Variants in LRRFIP1 observed in about 807,000 individuals in gnomAD.
LRRFIP1 encodes leucine-rich repeat flightless-interacting protein 1.
In LRRFIP1, 62 loss-of-function variants were observed where a neutral mutation model predicts 104.4. The ratio of observed to expected loss-of-function variants is 0.59; its 90% CI spans 0.48 to 0.73. LRRFIP1 has a LOEUF of 0.73. Among genes scored for constraint, LRRFIP1 ranks in the 30% least tolerant of loss-of-function variants. The probability of loss-of-function intolerance (pLI) is 0.00; values close to 1 mark genes in which losing one functional copy is unlikely to be tolerated. For synonymous variants in LRRFIP1, 300 were observed against 299.0 expected (o/e 1.00, Z -0.03); for missense variants, 796 against 824.5 (o/e 0.97, Z 0.42).
At chr2:237,651,155 A>G (rs2085875242) in intron 1 of LRRFIP1, among the ~76,000 whole-genome samples, 1 of 152,234 alleles carries the variant, frequency 6.6e-6, no homozygotes, top group Non-Finnish European at 1.5e-5. Context: ...GCTAGTACGA[A>G]GAACACCTAT....
intron 15 of LRRFIP1, among the ~76,000 whole-genome samples, chr2:237,753,790 C>CAA (rs749198309): frequency 0.22 from 16,213 of 74,472 alleles, 1,601 homozygotes; most frequent in East Asian, 0.44. Context: ...GACACTGTCT[C>CAA]AAAAAAAAAA....
At chr2:237,761,480 T>A (rs1021544347) in intron 19 of LRRFIP1, among the ~76,000 whole-genome samples, 3 of 152,270 alleles carry the variant, frequency 2.0e-5, no homozygotes, top group African/African-American at 2.4e-5. Flanking sequence ...CTTACTCAAA[T>A]ACACATTTTA....
chr2:237,745,066 A>G (rs2057646234), intron 11 of LRRFIP1, among the ~76,000 whole-genome samples: 1 of 152,242 alleles, frequency 6.6e-6, no homozygotes, highest in Non-Finnish European at 1.5e-5. Context: ...CTTTATGTCA[A>G]GATGAAACAC....
chr2:237,645,439 G>A (rs1324403259), intron 1 of LRRFIP1, among the ~76,000 whole-genome samples: 3 of 148,624 alleles, frequency 2.0e-5, no homozygotes, highest in Non-Finnish European at 4.6e-5. Context: ...TGGGGACATG[G>A]ACTCCGACAC....
chr2:237,718,079 G>A (rs1402009292), intron 4 of LRRFIP1, among the ~76,000 whole-genome samples: 1 of 152,196 alleles, frequency 6.6e-6, no homozygotes, highest in Non-Finnish European at 1.5e-5. Flanking sequence ...AGCAGTTTGG[G>A]GAGGTCTCCA....
chr2:237,650,773 T>C (rs934350466), intron 1 of LRRFIP1, among the ~76,000 whole-genome samples: 4 of 152,220 alleles, frequency 2.6e-5, no homozygotes, highest in African/African-American at 9.6e-5. Flanking sequence ...TGGGGTTTGC[T>C]GATGGATTGA....
In LRRFIP1 at chr2:237,772,633, T is replaced by C. The variant is rs55869476; in HGVS notation, c.1628-233T>C. 3.3e-3 allele frequency: 1,939 copies of C among 579,676 alleles called. 5 individuals are homozygous for C. Among genetic ancestry groups the C allele is most frequent in the Non-Finnish European group, 5.1e-3 (1,678 of 328,396 alleles). 35.9% of individuals were successfully genotyped at this position (579,676 alleles called of 1,614,324 possible). ...CTTTGTCTTCTTCACTCATAGGCAC[T>C]CTCTTGCCTGAGGTTTCCTGCCCCA... On this transcript the variant is annotated intron_variant, in intron 21 of 23. Transcript: ENST00000308482.
intron 1 of LRRFIP1, among the ~76,000 whole-genome samples, chr2:237,671,668 C>T (rs1003939408): frequency 6.6e-6 from 1 of 151,848 alleles, no homozygotes; most frequent in Non-Finnish European, 1.5e-5. Context: ...CCCTGCTCCC[C>T]GTGTCTGTGT....
rs57993728 is a variant in LRRFIP1 at position 237,660,370 on chromosome 2, T to C, written c.96+32630T>C. ...TGGCTTGGCAACTCACTGCGTAGTGTAGATATGGGGACATAGGGACCCCTG... is the reference window on the plus strand; with the variant it reads ...TGGCTTGGCAACTCACTGCGTAGTGCAGATATGGGGACATAGGGACCCCTG... On this transcript the variant is annotated intron_variant, in intron 1 of 23. Coordinates refer to ENST00000308482, the MANE Select transcript of LRRFIP1 (RefSeq NM_001137550.2). Among the ~76,000 whole-genome samples, 1,332 of 152,208 alleles carry C rather than the reference T, an allele frequency of 8.8e-3. 21 individuals are homozygous for C. Among genetic ancestry groups the C allele is most frequent in the African/African-American group, 0.03 (1,259 of 41,514 alleles).
rs2093636607 is a variant in LRRFIP1 at position 237,703,365 on chromosome 2, T to C, written c.97-5179T>C. Among the ~76,000 whole-genome samples, 1 of 152,174 alleles carries C rather than the reference T, an allele frequency of 6.6e-6. No individual in the cohort carries two copies. Among genetic ancestry groups the C allele is most frequent in the East Asian group, 1.9e-4 (1 of 5,194 alleles). ...ACTCACTTCCTTGGTTTCCTGTTGC[T>C]CTTCCCACCCCATACCTGCTCCCCA... On this transcript the variant is annotated intron_variant, in intron 1 of 23. Transcript: ENST00000308482. The surrounding 1 kb of genome is among the most constrained non-coding windows in gnomAD (Gnocchi z 4.3).
intron 1 of LRRFIP1, among the ~76,000 whole-genome samples, chr2:237,678,944 C>G (rs1193346345): frequency 1.3e-5 from 2 of 152,130 alleles, no homozygotes; most frequent in African/African-American, 4.8e-5. Flanking sequence ...AACTGGGTAC[C>G]ATTATCCCTC....
At chr2:237,706,499 G>A (rs1423773050) in intron 1 of LRRFIP1, among the ~76,000 whole-genome samples, 1 of 152,196 alleles carries the variant, frequency 6.6e-6, no homozygotes, top group East Asian at 1.9e-4. Flanking sequence ...AGAGCCACCT[G>A]CCTTACCAGG....
intron 14 of LRRFIP1, among the ~76,000 whole-genome samples, chr2:237,751,662 C>T (rs1049087588): frequency 6.6e-6 from 1 of 152,266 alleles, no homozygotes; most frequent in African/African-American, 2.4e-5. Context: ...TGATTTGCTT[C>T]TCAAAATATC....
chr2:237,758,840 G>C lies in LRRFIP1; in HGVS notation c.1317+19G>C. The stretch of plus-strand genomic sequence containing the variant: ...ATTAAAGGTATGAAGCCAAACTACA[G>C]TTTTATTTAAAAAAAAAGAAAAAAA... On this transcript the variant is annotated intron_variant, in intron 18 of 23. Transcript: ENST00000308482. 1 of 1,541,480 alleles carries C rather than the reference G, an allele frequency of 6.5e-7. No individual in the cohort carries two copies. The highest frequency in any genetic ancestry group is 2.3e-5 in the East Asian group (1 of 43,800).
rs12618472 is a variant in LRRFIP1, at chr2:237,744,736, C to T, written c.634-3628C>T. On this transcript the variant is annotated intron_variant, in intron 11 of 23. Transcript: ENST00000308482. The stretch of plus-strand genomic sequence containing the variant: ...ATACTTTGTAAACCTGTTAGTGTGA[C>T]GTTTTCACCCTGACCTGAAATGTTT... 3.0e-4 allele frequency among the ~76,000 whole-genome samples: 46 copies of T among 152,368 alleles called. No homozygotes were observed. The East Asian group carries it at 8.1e-3, about 27-fold the overall frequency.
chr2:237,775,509 G>A (rs185841977), intron 23 of LRRFIP1, among the ~76,000 whole-genome samples: 54 of 152,316 alleles, frequency 3.5e-4, no homozygotes, highest in Non-Finnish European at 1.3e-4. Context: ...TTTGAGCAAA[G>A]GAGTGGCTTA....
At chr2:237,774,515 G>C (rs1442931711) in intron 23 of LRRFIP1, 53 bp downstream of exon 23, 15 of 1,195,168 alleles carry the variant, frequency 1.3e-5, no homozygotes, top group Middle Eastern at 1.9e-4. Context: ...TATTTCTCTA[G>C]TGGGGACGGT....
At chr2:237,745,498 GT>G (rs1159756896) in intron 11 of LRRFIP1, among the ~76,000 whole-genome samples, 6 of 152,094 alleles carry the variant, frequency 3.9e-5, no homozygotes, top group Non-Finnish European at 5.9e-5. Context: ...GGTTTTTGGG[GT>G]TTTTTCCCTT....
intron 8 of LRRFIP1, among the ~76,000 whole-genome samples, chr2:237,732,056 C>T (rs2095034499): frequency 6.6e-6 from 1 of 152,166 alleles, no homozygotes; most frequent in Non-Finnish European, 1.5e-5. Flanking sequence ...AAATTTATTT[C>T]AATATTTAAT....
Sources: allele counts gnomAD v4.1 joint callset (sites outside exome capture counted in the v4.1 genomes callset), GRCh38; gene constraint gnomAD v4.1.1; non-coding constraint Gnocchi (gnomAD v3.1); transcripts MANE v1.5; gene names NCBI Gene and HGNC (gene_info 2026-07-23, HGNC 2026-07-21).